The following PALLD variants were observed in gnomAD, a reference collection of about 807,000 sequenced individuals.
PALLD encodes palladin, cytoskeletal associated protein, also known as palladin.
In PALLD, 61 loss-of-function variants were observed where a neutral mutation model predicts 123.5. The ratio of observed to expected loss-of-function variants is 0.49; its 90% CI spans 0.40 to 0.61. PALLD has a LOEUF of 0.61. Among genes scored for constraint, PALLD ranks in the 20% least tolerant of loss-of-function variants. The pLI is 0.00. For missense variants in PALLD, 1,273 were observed against 1,377.0 expected, an observed-to-expected ratio of 0.92 and a Z score of 1.20; for synonymous variants, 465 against 496.4, an observed-to-expected ratio of 0.94 and a Z score of 0.84.
intron 10 of PALLD, chr4:168,831,930 C>G (rs1744265071): frequency 1.7e-5 from 15 of 864,364 alleles, no homozygotes; most frequent in Non-Finnish European, 2.1e-5. Context: ...GCGGGGAAGC[C>G]TCCCTAACCT....
At chr4:168,914,565 T>C (rs1759709326) in intron 16 of PALLD, among the ~76,000 whole-genome samples, 1 of 152,178 alleles carries the variant, frequency 6.6e-6, no homozygotes, top group Admixed American at 6.5e-5. Context: ...CCATTCCTAG[T>C]AGTTCTGAGT....
chr4:168,922,092 T>A (rs1659189472), intron 18 of PALLD, among the ~76,000 whole-genome samples: 1 of 101,194 alleles, frequency 9.9e-6, no homozygotes, highest in African/African-American at 3.8e-5. Flanking sequence ...TATTTATATA[T>A]ATATATATAT....
intron 2 of PALLD, among the ~76,000 whole-genome samples, chr4:168,517,314 A>G (rs1359833127): frequency 6.6e-6 from 1 of 152,242 alleles, no homozygotes; most frequent in Non-Finnish European, 1.5e-5. Flanking sequence ...TTATTGTAGT[A>G]AAAGTGGAAT....
intron 10 of PALLD, among the ~76,000 whole-genome samples, chr4:168,779,503 A>G (rs1735602925): frequency 6.6e-6 from 1 of 150,880 alleles, no homozygotes; most frequent in African/African-American, 2.4e-5. Context: ...ATAAAAAATC[A>G]TATATATATA....
intron 10 of PALLD, among the ~76,000 whole-genome samples, chr4:168,714,133 T>A (rs1404275171): frequency 6.6e-6 from 1 of 152,040 alleles, no homozygotes; most frequent in Admixed American, 6.6e-5. Flanking sequence ...TTATTGGATT[T>A]TGTTTTATTA....
intron 2 of PALLD, among the ~76,000 whole-genome samples, chr4:168,547,207 C>T (rs533809569): frequency 4.5e-4 from 69 of 152,272 alleles, no homozygotes; most frequent in African/African-American, 1.6e-3. Flanking sequence ...CGCCTACTAA[C>T]TGGGTGTGTG....
At chr4:168,605,632 G>A (rs1773085093) in intron 2 of PALLD, among the ~76,000 whole-genome samples, 1 of 152,152 alleles carries the variant, frequency 6.6e-6, no homozygotes, top group African/African-American at 2.4e-5. Context: ...GACTGAACGT[G>A]GGCTCTGCAG....
chr4:168,717,580 A>C (rs1308869162), intron 10 of PALLD, among the ~76,000 whole-genome samples: 1 of 152,028 alleles, frequency 6.6e-6, no homozygotes, highest in African/African-American at 2.4e-5. Context: ...CGAACTCCTG[A>C]CCTCAGGTGA....
intron 4 of PALLD, among the ~76,000 whole-genome samples, chr4:168,682,251 T>G (rs1561392743): frequency 6.6e-6 from 1 of 151,502 alleles, no homozygotes; most frequent in African/African-American, 2.5e-5. Context: ...ATATTGAGTC[T>G]GTTCTAATAA....
intron 10 of PALLD, among the ~76,000 whole-genome samples, chr4:168,742,806 T>C (rs1185484660): frequency 1.3e-5 from 2 of 152,234 alleles, no homozygotes; most frequent in Non-Finnish European, 2.9e-5. Flanking sequence ...GACAGTTGTA[T>C]ATTTTCTGTT....
intron 2 of PALLD, among the ~76,000 whole-genome samples, chr4:168,651,744 T>G (rs2149919709): frequency 6.6e-6 from 1 of 152,230 alleles, no homozygotes; most frequent in Middle Eastern, 3.4e-3. Flanking sequence ...GGGAAGAATT[T>G]CTACTCCTCC....
Position 168,704,379 on chromosome 4 carries a change from A to T in PALLD, c.1502-4649A>T, listed in dbSNP as rs181854245. Among the ~76,000 whole-genome samples the T allele has an allele frequency of 1.6e-4, 25 of 152,328 alleles. No individual in the cohort carries two copies. The East Asian group carries it at 4.3e-3, about 26-fold the overall frequency. ...CATATACCTGTTTGTACCTTAAAAA[A>T]TTTGTATGTTGACTGGACGCGGTGG... On this transcript the variant is annotated intron_variant, in intron 8 of 21. Transcript: ENST00000505667.
intron 2 of PALLD, among the ~76,000 whole-genome samples, chr4:168,655,341 C>T (rs549981893): frequency 9.2e-5 from 14 of 152,208 alleles, no homozygotes; most frequent in African/African-American, 1.7e-4. Flanking sequence ...TATTGACTGA[C>T]GGGGCAGTTT....
At position 168,558,190 on chromosome 4, in the gene PALLD, A is replaced by G. The variant is rs376181858; in HGVS notation, c.908+45778A>G. On this transcript the variant is annotated intron_variant, in intron 2 of 21. Coordinates refer to ENST00000505667, the MANE Select transcript of PALLD (RefSeq NM_001166108.2). ...TGTACCAACAGCAGCTCCATCCTTC[A>G]TGTCCCATGTTTACTCATCCCCCAG... is the stretch of plus-strand genomic sequence containing the variant. Among the ~76,000 whole-genome samples, 119 of 152,126 alleles carry G rather than the reference A, an allele frequency of 7.8e-4. 2 individuals are homozygous for G. Among genetic ancestry groups the G allele is most frequent in the African/African-American group, 2.6e-3 (107 of 41,524 alleles).
chr4:168,541,169 GA>G (rs1435169268), intron 2 of PALLD, among the ~76,000 whole-genome samples: 1 of 152,220 alleles, frequency 6.6e-6, no homozygotes, highest in African/African-American at 2.4e-5. Context: ...AAGCGTCAAT[GA>G]ATTATTCAGG....
intron 3 of PALLD, among the ~76,000 whole-genome samples, chr4:168,670,441 A>AGCCGGGAGCGG (rs1554060398): frequency 6.6e-6 from 1 of 152,180 alleles, no homozygotes; most frequent in East Asian, 1.9e-4. Flanking sequence ...TTTTAAAAAA[A>AGCCGGGAGCGG]GCCGGGCGCG....
rs1225086967 is a variant in PALLD at position 168,553,544 on chromosome 4, CTCTG to C, written c.908+41137_908+41140del. ...TTGGGTTGGCACTAAAGAAAGATAA[CTCTG>C]TCTGCCTACAAAGGAACCTGTGGTA... On this transcript the variant is annotated intron_variant, in intron 2 of 21. Coordinates refer to ENST00000505667, the MANE Select transcript of PALLD (RefSeq NM_001166108.2). Among the ~76,000 whole-genome samples, 6 of 152,300 alleles carry C rather than the reference CTCTG, an allele frequency of 3.9e-5. No homozygotes were observed. In the East Asian group the frequency reaches 9.6e-4, roughly 24 times the overall value.
At chr4:168,730,532 G>A (rs891471078) in intron 10 of PALLD, among the ~76,000 whole-genome samples, 5 of 151,330 alleles carry the variant, frequency 3.3e-5, no homozygotes, top group African/African-American at 9.7e-5. Flanking sequence ...TTTCATGTTC[G>A]AGGCTTTCCA....
chr4:168,576,067 A>G (rs1011992252), intron 2 of PALLD, among the ~76,000 whole-genome samples: 3 of 152,112 alleles, frequency 2.0e-5, no homozygotes, highest in Non-Finnish European at 2.9e-5. Flanking sequence ...TATAAATATA[A>G]TTGTCTAAAA....
Sources: gnomAD v4.1 joint callset for allele counts (sites outside exome capture counted in the v4.1 genomes callset) on GRCh38, gnomAD v4.1.1 for gene constraint, MANE v1.5 for transcripts, NCBI Gene and HGNC (gene_info 2026-07-23, HGNC 2026-07-21) for gene names.